Variants in LONP2 observed in about 807,000 individuals in gnomAD.
The protein encoded by LONP2 is lon protease homolog 2, peroxisomal.
A neutral mutation model predicts 85.6 loss-of-function variants in LONP2; 60 were observed. The ratio of observed to expected loss-of-function variants is 0.70; its 90% CI spans 0.57 to 0.87. The LOEUF (loss-of-function observed/expected upper bound fraction) is 0.87, where lower values mean the gene tolerates loss of function less well. Ranked by LOEUF, LONP2 falls within the 40% of genes least tolerant of loss-of-function variation. The probability of loss-of-function intolerance (pLI) is 0.00; values close to 1 mark genes in which losing one functional copy is unlikely to be tolerated. For synonymous variants in LONP2, 395 were observed against 389.7 expected (o/e 1.01, Z -0.16); for missense variants, 860 against 1,063.5 (o/e 0.81, Z 2.66).
chr16:48,342,828 A>G (rs903776814), intron 12 of LONP2, among the ~76,000 whole-genome samples: 6 of 152,228 alleles, frequency 3.9e-5, no homozygotes, highest in South Asian at 2.1e-4. Context: ...CAAGTGCTCT[A>G]TGAGCTACAA....
rs1960301469 is a variant in LONP2, at chr16:48,355,340, C to T, written c.*3538C>T. 1 of 152,128 alleles carries T rather than the reference C, an allele frequency of 6.6e-6. No homozygotes were observed. Among genetic ancestry groups the T allele is most frequent in the Admixed American group, 6.6e-5 (1 of 15,266 alleles). 9.4% of individuals were successfully genotyped at this position (152,128 alleles called of 1,614,324 possible). On this transcript the variant is annotated 3_prime_UTR_variant, in exon 15 of 15. Transcript: ENST00000285737. ...AGGGGCTCAAGGGAACCAATTACCT[C>T]CTTTTTGCCCTTCGATTCCCTTCCA...
intron 1 of LONP2, among the ~76,000 whole-genome samples, chr16:48,246,768 T>A (rs932832816): frequency 6.6e-6 from 1 of 152,050 alleles, no homozygotes; most frequent in African/African-American, 2.4e-5. Context: ...AGAAATGGGG[T>A]CTCACTATGT....
At chr16:48,348,998 C>G (rs1254450266) in intron 14 of LONP2, among the ~76,000 whole-genome samples, 1 of 152,104 alleles carries the variant, frequency 6.6e-6, no homozygotes, top group Non-Finnish European at 1.5e-5. Flanking sequence ...TCCTGTCCCC[C>G]TGCAGAAAAC....
intron 8 of LONP2, among the ~76,000 whole-genome samples, chr16:48,285,132 A>G (rs1047527438): frequency 6.6e-6 from 1 of 151,322 alleles, no homozygotes; most frequent in African/African-American, 2.4e-5. Flanking sequence ...TGGGTTGACA[A>G]TTGTTTGCTT....
intron 8 of LONP2, among the ~76,000 whole-genome samples, chr16:48,282,265 G>C (rs913250050): frequency 7.9e-5 from 12 of 151,976 alleles, no homozygotes; most frequent in African/African-American, 2.9e-4. Flanking sequence ...ACAAAAATTA[G>C]CTGGGCATGG....
At chr16:48,281,527 A>C (rs1316813488) in intron 8 of LONP2, among the ~76,000 whole-genome samples, 4 of 152,202 alleles carry the variant, frequency 2.6e-5, no homozygotes, top group Non-Finnish European at 4.4e-5. Context: ...TAGACTTGAA[A>C]GAAAATTACA....
intron 11 of LONP2, among the ~76,000 whole-genome samples, chr16:48,324,759 T>C (rs1302843492): frequency 2.6e-5 from 4 of 152,190 alleles, no homozygotes; most frequent in Non-Finnish European, 5.9e-5. Context: ...AATCTGACTT[T>C]CATTTTATTG....
At chr16:48,245,351 T>C (rs969361533) in intron 1 of LONP2, among the ~76,000 whole-genome samples, 1 of 152,236 alleles carries the variant, frequency 6.6e-6, no homozygotes, top group Non-Finnish European at 1.5e-5. Flanking sequence ...GGTGTGACTT[T>C]GGGTGAGAGC....
At chr16:48,300,105 T>C (rs1224627653) in intron 10 of LONP2, among the ~76,000 whole-genome samples, 1 of 152,196 alleles carries the variant, frequency 6.6e-6, no homozygotes, top group Non-Finnish European at 1.5e-5. Flanking sequence ...ATATAAGGGG[T>C]TAATTTGATC....
chr16:48,245,376 C>T (rs1339091693), intron 1 of LONP2, among the ~76,000 whole-genome samples: 1 of 152,140 alleles, frequency 6.6e-6, no homozygotes, highest in African/African-American at 2.4e-5. Flanking sequence ...ACCTCTATTT[C>T]TTTTATTCTG....
intron 7 of LONP2, 130 bp from the exon 8 acceptor site, chr16:48,277,208 A>G (rs578090273): frequency 6.6e-6 from 5 of 753,980 alleles, no homozygotes; most frequent in Non-Finnish European, 1.0e-5. Context: ...TTTTAAATAC[A>G]TAGTACCTCT....
chr16:48,248,757 C>G (rs552529161), intron 1 of LONP2, among the ~76,000 whole-genome samples: 1 of 151,994 alleles, frequency 6.6e-6, no homozygotes, highest in East Asian at 1.9e-4. Flanking sequence ...GTGGCACGTG[C>G]CTGTACTCCC....
intron 11 of LONP2, among the ~76,000 whole-genome samples, chr16:48,322,885 A>G (rs1973296113): frequency 1.3e-5 from 2 of 152,202 alleles, no homozygotes; most frequent in African/African-American, 4.8e-5. Context: ...CATCACCACA[A>G]AGATTTGGGT....
At chr16:48,256,783 T>C in intron 3 of LONP2, 42 bp downstream of exon 3, 1 of 1,599,748 alleles carries the variant, frequency 6.3e-7, no homozygotes, top group Non-Finnish European at 8.5e-7. Context: ...TTTGTCACTT[T>C]TTATTGAGAT....
chr16:48,303,747 G>C (rs563928916), intron 11 of LONP2, among the ~76,000 whole-genome samples: 1 of 152,116 alleles, frequency 6.6e-6, no homozygotes, highest in Non-Finnish European at 1.5e-5. Flanking sequence ...GTCTGTGGCC[G>C]AAGCCCCAAG....
At chr16:48,335,787 C>A (rs1959628645) in intron 12 of LONP2, among the ~76,000 whole-genome samples, 1 of 152,192 alleles carries the variant, frequency 6.6e-6, no homozygotes, top group Non-Finnish European at 1.5e-5. Context: ...AGCCTCTCTA[C>A]AGAGCTCTCA....
chr16:48,319,038 C>T (rs553697826), intron 11 of LONP2, among the ~76,000 whole-genome samples: 3 of 151,850 alleles, frequency 2.0e-5, no homozygotes, highest in South Asian at 4.2e-4. Flanking sequence ...CGTCTACGGC[C>T]ATGAGTGCAT....
chr16:48,247,217 T>TAAAAAAA (rs78085763), intron 1 of LONP2: 2 of 141,808 alleles, frequency 1.4e-5, no homozygotes, highest in African/African-American at 5.3e-5. Context: ...ACACTCTACT[T>TAAAAAAA]AAAAAAAAAA....
In LONP2 at chr16:48,259,141, A is replaced by G. The variant is rs184660736; in HGVS notation, c.723+401A>G. Among the ~76,000 whole-genome samples the G allele has an allele frequency of 1.7e-4, 26 of 152,292 alleles. No homozygotes were observed. The East Asian group carries it at 4.8e-3, about 28-fold the overall frequency. The stretch of plus-strand genomic sequence containing the variant: ...ATTTGGCTGTTTTCAACTTATAATA[A>G]GTTTCCATTTTTATTTAGTCAAACT... On this transcript the variant is annotated intron_variant, in intron 4 of 14. Transcript: ENST00000285737.
Sources: gnomAD v4.1 joint callset for allele counts (sites outside exome capture counted in the v4.1 genomes callset) on GRCh38, gnomAD v4.1.1 for gene constraint, MANE v1.5 for transcripts, NCBI Gene and HGNC (gene_info 2026-07-23, HGNC 2026-07-21) for gene names.